UPF2: variants seen among roughly 807,000 people sequenced by gnomAD.
The protein encoded by UPF2 is regulator of nonsense transcripts 2.
In UPF2, 17 loss-of-function variants were observed where a neutral mutation model predicts 141.4. The observed-to-expected ratio is 0.12, with a 90% CI of 0.08 to 0.18. The LOEUF (loss-of-function observed/expected upper bound fraction) is 0.18, where lower values mean the gene tolerates loss of function less well. UPF2 is among the 10% of genes least tolerant of loss of function. UPF2 has a pLI of 1.00. For synonymous variants in UPF2, 540 were observed against 498.0 expected (o/e 1.08, Z -1.12); for missense variants, 1,152 against 1,515.9 (o/e 0.76, Z 3.99).
Position 11,936,908 on chromosome 10 carries a change from T to C in UPF2, c.3379-196A>G, listed in dbSNP as rs1167753482. Among the ~76,000 whole-genome samples the C allele has an allele frequency of 1.3e-5, 2 of 152,248 alleles. No individual in the cohort carries two copies. The highest frequency in any genetic ancestry group is 2.4e-5 in the African/African-American group (1 of 41,456). On this transcript the variant is annotated intron_variant, in intron 18 of 21. Coordinates refer to ENST00000357604, the MANE Select transcript of UPF2 (RefSeq NM_015542.4). The surrounding 1 kb of genome is among the most constrained non-coding windows in gnomAD (Gnocchi z 6.6). ...TCTAGGGAGTATTTCTCCCTCCACCTAACACCTCTGCCTATGACATGGAAG... is the reference window on the plus strand; with the variant it reads ...TCTAGGGAGTATTTCTCCCTCCACCCAACACCTCTGCCTATGACATGGAAG...
chr10:11,942,822 G>T, intron 17 of UPF2, 59 bp from the exon 18 acceptor site: 1 of 1,508,470 alleles, frequency 6.6e-7, no homozygotes, highest in Non-Finnish European at 9.1e-7. Context: ...GTTTTCTAGG[G>T]CAAAGCCTTT....
chr10:12,014,053 T>C lies in UPF2; in HGVS notation c.1277A>G (p.Asp426Gly). ...LADLLDENMP[D>G]LPQDKPTPEE... is the part of the protein sequence containing the mutation. ...TGGTGTTGGTTTGTCTTGAGGAAGA[T>C]CTGGCATATTTTCATCCAAAAGGTC... The change falls in exon 4 of 22, where the codon GAT becomes GGT. Residue 426 changes from aspartate (D) to glycine (G), a missense_variant. By Grantham distance (94) the Asp-to-Gly change is moderately conservative (BLOSUM62 -1). Coordinates refer to ENST00000357604, the MANE Select transcript of UPF2 (RefSeq NM_015542.4). This position sits in a 1 kb window ranked among gnomAD's most constrained non-coding sequence, Gnocchi z 5.0. The C allele has an allele frequency of 6.3e-7, 1 of 1,582,614 alleles. No individual in the cohort carries two copies. Among genetic ancestry groups the C allele is most frequent in the Non-Finnish European group, 8.6e-7 (1 of 1,164,058 alleles).
In UPF2 at chr10:11,929,869, C is replaced by T; in HGVS notation, c.3805G>A (p.Gly1269Arg). Residue 1269 changes from glycine to arginine, a missense_variant, in exon 21 of 22, where the codon GGG (glycine) becomes AGG (arginine). Physicochemically the swap from Gly to Arg is moderately radical, Grantham distance 125 (BLOSUM62 -2). Coordinates refer to ENST00000357604, the MANE Select transcript of UPF2 (RefSeq NM_015542.4). ...PNADLIFKTG[G>R]RRR ...AAGGAGTAATGACTGCTTTACCTCC[C>T]ACCAGTCTTAAAGATTAGATCTGCA... is the stretch of plus-strand genomic sequence containing the variant. 1 of 1,614,086 alleles carries T rather than the reference C, an allele frequency of 6.2e-7. No individual in the cohort carries two copies. Among genetic ancestry groups the T allele is most frequent in the Non-Finnish European group, 8.5e-7 (1 of 1,179,984 alleles).
At chr10:11,960,589 A>T (rs1173443987) in intron 11 of UPF2, among the ~76,000 whole-genome samples, 1 of 151,424 alleles carries the variant, frequency 6.6e-6, no homozygotes, top group Non-Finnish European at 1.5e-5. Flanking sequence ...ATAACAGAAT[A>T]AAAGAAAAAT....
chr10:12,006,304 C>CT (rs1834034418), intron 4 of UPF2, among the ~76,000 whole-genome samples: 1 of 152,188 alleles, frequency 6.6e-6, no homozygotes, highest in Non-Finnish European at 1.5e-5. Context: ...ACATGCAGTA[C>CT]ATACAACTAT....
Position 11,992,696 on chromosome 10 carries a change from A to G in UPF2, c.1844+4976T>C, listed in dbSNP as rs1564358809. 6.6e-6 allele frequency among the ~76,000 whole-genome samples: 1 copy of G among 152,230 alleles called. No individual in the cohort carries two copies. Among genetic ancestry groups the G allele is most frequent in the Non-Finnish European group, 1.5e-5 (1 of 68,046 alleles). On this transcript the variant is annotated intron_variant, in intron 8 of 21. Transcript: ENST00000357604. The surrounding 1 kb of genome is among the most constrained non-coding windows in gnomAD (Gnocchi z 4.1). ...ATAAATAGCCTAAATTACTTTCATT[A>G]AAAGAAACATACTTTCAGAATATGT...
At chr10:11,938,659 A>T (rs972416582) in intron 18 of UPF2, among the ~76,000 whole-genome samples, 6 of 151,678 alleles carry the variant, frequency 4.0e-5, no homozygotes, top group African/African-American at 1.5e-4. Context: ...AAAAAACTAG[A>T]TCATTCATCA....
intron 21 of UPF2, among the ~76,000 whole-genome samples, chr10:11,927,271 G>A (rs1202598931): frequency 6.6e-6 from 1 of 152,178 alleles, no homozygotes; most frequent in Non-Finnish European, 1.5e-5. Context: ...GAATTGTGAG[G>A]GGGTTAGGGA....
chr10:12,034,616 G>A (rs985267882), intron 2 of UPF2, among the ~76,000 whole-genome samples: 3 of 152,140 alleles, frequency 2.0e-5, no homozygotes, highest in Non-Finnish European at 4.4e-5. Flanking sequence ...GACCAGCCTG[G>A]CCAACATGGT....
chr10:12,038,549 G>A (rs1233355756), intron 1 of UPF2, among the ~76,000 whole-genome samples: 1 of 151,752 alleles, frequency 6.6e-6, no homozygotes, highest in Non-Finnish European at 1.5e-5. Flanking sequence ...GCCAACATGT[G>A]GAAGCCCCGT....
chr10:12,000,097 T>C, intron 6 of UPF2, 88 bp from the exon 7 acceptor site: 2 of 1,124,712 alleles, frequency 1.8e-6, no homozygotes, highest in South Asian at 1.4e-5. Context: ...GGAAAATAGA[T>C]AATCTAGACC....
intron 16 of UPF2, among the ~76,000 whole-genome samples, chr10:11,945,000 G>A (rs1832983039): frequency 6.6e-6 from 1 of 152,206 alleles, no homozygotes; most frequent in Non-Finnish European, 1.5e-5. Context: ...TGCAAGGGTA[G>A]TATGAGAAAT....
intron 16 of UPF2, among the ~76,000 whole-genome samples, chr10:11,943,461 C>T (rs1403310396): frequency 6.6e-6 from 1 of 152,180 alleles, no homozygotes; most frequent in Admixed American, 6.5e-5. Context: ...TTGTGTTCTC[C>T]TCCTCCTGAA....
intron 12 of UPF2, among the ~76,000 whole-genome samples, chr10:11,958,604 T>C (rs1833192041): frequency 1.3e-5 from 2 of 152,156 alleles, no homozygotes; most frequent in Non-Finnish European, 2.9e-5. Context: ...AAGTGTAGAG[T>C]TCACCAAGAA....
intron 9 of UPF2, among the ~76,000 whole-genome samples, chr10:11,976,078 G>A (rs1374769067): frequency 6.6e-6 from 1 of 152,206 alleles, no homozygotes; most frequent in Non-Finnish European, 1.5e-5. Context: ...TGAAGTATCT[G>A]AGAATGTTGG....
rs1343663416 is a variant in UPF2, at chr10:11,920,986, C to G, written c.*312G>C. ...CTGGCTCAATCATCTCCTTCACGCT[C>G]TCCTTGGTGTAACTGCTCAGTAGTC... On this transcript the variant is annotated 3_prime_UTR_variant, in exon 22 of 22. Transcript: ENST00000357604. 1.6e-6 allele frequency: 1 copy of G among 619,600 alleles called. No individual in the cohort carries two copies. The highest frequency in any genetic ancestry group is 2.8e-4 in the Middle Eastern group (1 of 3,614). 38.4% of individuals were successfully genotyped at this position (619,600 alleles called of 1,614,324 possible).
At chr10:11,930,248 A>G (rs1372864174) in intron 20 of UPF2, among the ~76,000 whole-genome samples, 1 of 152,244 alleles carries the variant, frequency 6.6e-6, no homozygotes, top group Non-Finnish European at 1.5e-5. Flanking sequence ...AGAAAAGCCT[A>G]AGAGGCAGTG....
chr10:11,936,394 A>AC lies in UPF2; in HGVS notation c.3546+150_3546+151insG, dbSNP rs1265071665. On this transcript the variant is annotated intron_variant, in intron 19 of 21. Coordinates refer to ENST00000357604, the MANE Select transcript of UPF2 (RefSeq NM_015542.4). This position sits in a 1 kb window ranked among gnomAD's most constrained non-coding sequence, Gnocchi z 6.6. The stretch of plus-strand genomic sequence containing the variant: ...AAAACAAAAACAAAAACAAAAACAA[A>AC]AACAAAAAAAACTATATAAGGGAAG... 36 of 855,376 alleles carry AC rather than the reference A, an allele frequency of 4.2e-5. No homozygotes were observed. The African/African-American group carries it at 5.9e-4, about 14-fold the overall frequency. 53.0% of individuals were successfully genotyped at this position (855,376 alleles called of 1,614,324 possible).
At chr10:12,008,585 G>A (rs1159305548) in intron 4 of UPF2, among the ~76,000 whole-genome samples, 2 of 132,960 alleles carry the variant, frequency 1.5e-5, no homozygotes, top group Admixed American at 8.9e-5. Flanking sequence ...AGCTTAGATC[G>A]CACCACTGTA....
Sources: allele counts gnomAD v4.1 joint callset (sites outside exome capture counted in the v4.1 genomes callset), GRCh38; gene constraint gnomAD v4.1.1; non-coding constraint Gnocchi (gnomAD v3.1); transcripts MANE v1.5; gene names NCBI Gene and HGNC (gene_info 2026-07-23, HGNC 2026-07-21).